HTR4: variants seen among roughly 807,000 people sequenced by gnomAD.
The protein encoded by HTR4 is 5-hydroxytryptamine receptor 4.
A neutral mutation model predicts 36.8 loss-of-function variants in HTR4; 16 were observed. The ratio of observed to expected loss-of-function variants is 0.43; its 90% CI spans 0.29 to 0.66. HTR4 has a LOEUF of 0.66. HTR4 is among the 30% of genes least tolerant of loss of function. HTR4 has a pLI of 0.13. For synonymous variants in HTR4, 189 were observed against 185.1 expected, an observed-to-expected ratio of 1.02 and a Z score of -0.17; for missense variants, 438 against 490.9, an observed-to-expected ratio of 0.89 and a Z score of 1.02.
chr5:148,541,862 A>G (rs1759132847), intron 4 of HTR4, among the ~76,000 whole-genome samples: 1 of 152,100 alleles, frequency 6.6e-6, no homozygotes, highest in Admixed American at 6.6e-5. Flanking sequence ...CCTATCCCCT[A>G]CTGATACCCA....
intron 5 of HTR4, among the ~76,000 whole-genome samples, chr5:148,513,357 T>C (rs937589324): frequency 2.0e-5 from 3 of 152,166 alleles, no homozygotes; most frequent in Non-Finnish European, 4.4e-5. Flanking sequence ...GTACAAGATA[T>C]GGATATTGAA....
intron 2 of HTR4, among the ~76,000 whole-genome samples, chr5:148,609,942 G>C (rs1331505536): frequency 2.6e-5 from 4 of 151,988 alleles, no homozygotes; most frequent in Non-Finnish European, 5.9e-5. Flanking sequence ...AGAAACTTTT[G>C]AGTGAGATTT....
intron 6 of HTR4, among the ~76,000 whole-genome samples, chr5:148,495,714 G>C (rs1756655396): frequency 6.6e-6 from 1 of 152,222 alleles, no homozygotes; most frequent in African/African-American, 2.4e-5. Flanking sequence ...AGTGGGGAGA[G>C]AGGCTTAAAG....
intron 5 of HTR4, among the ~76,000 whole-genome samples, chr5:148,463,885 CAAAG>C (rs1755352987): frequency 1.3e-5 from 2 of 151,706 alleles, no homozygotes; most frequent in South Asian, 4.2e-4. Context: ...AAAGAATAGA[CAAAG>C]AGATCAGTGA....
intron 4 of HTR4, among the ~76,000 whole-genome samples, chr5:148,532,496 A>G (rs1758619885): frequency 6.6e-6 from 1 of 152,214 alleles, no homozygotes; most frequent in Non-Finnish European, 1.5e-5. Context: ...CAGGTTTTGG[A>G]GATGTGAACA....
chr5:148,480,003 C>T (rs1472616598), downstream of HTR4, among the ~76,000 whole-genome samples: 1 of 152,096 alleles, frequency 6.6e-6, no homozygotes, highest in East Asian at 1.9e-4. Context: ...TCTTAGTTGA[C>T]TCTTTATGTA....
At chr5:148,475,636 T>C (rs2113708702), downstream of HTR4, among the ~76,000 whole-genome samples, 1 of 152,340 alleles carries the variant, frequency 6.6e-6, no homozygotes, top group Admixed American at 6.5e-5. Context: ...ATTAGACAAC[T>C]GGCACAGAAA....
chr5:148,574,463 A>C (rs78464166), intron 2 of HTR4, among the ~76,000 whole-genome samples: 3 of 152,134 alleles, frequency 2.0e-5, no homozygotes, highest in Non-Finnish European at 4.4e-5. Flanking sequence ...TGCAGCCTTC[A>C]GTTGTCAAAA....
At chr5:148,591,965 C>T (rs1488325783) in intron 2 of HTR4, among the ~76,000 whole-genome samples, 1 of 151,976 alleles carries the variant, frequency 6.6e-6, no homozygotes. Context: ...TTCACAATAG[C>T]AGAAGACATG....
At chr5:148,505,604 G>C (rs950649837) in intron 6 of HTR4, among the ~76,000 whole-genome samples, 6 of 152,184 alleles carry the variant, frequency 3.9e-5, no homozygotes, top group Non-Finnish European at 8.8e-5. Flanking sequence ...CAGATGACAT[G>C]ACTGTATATT....
chr5:148,613,912 G>A (rs1752549860), intron 2 of HTR4, among the ~76,000 whole-genome samples: 1 of 152,134 alleles, frequency 6.6e-6, no homozygotes. Context: ...GCCAAACCAT[G>A]AGTGAACTCC....
chr5:148,540,378 T>A (rs1656380217), intron 4 of HTR4, among the ~76,000 whole-genome samples: 1 of 124,756 alleles, frequency 8.0e-6, no homozygotes, highest in Non-Finnish European at 1.6e-5. Flanking sequence ...AAATAAAATT[T>A]TAGGTTTTAT....
chr5:148,540,402 A>ATG (rs1759051129), intron 4 of HTR4, among the ~76,000 whole-genome samples: 1 of 7,392 alleles, frequency 1.4e-4, no homozygotes, highest in Admixed American at 1.7e-3. Context: ...ATGTGTGTGT[A>ATG]TATATATATA....
chr5:148,499,779 G>A (rs1756851932), intron 6 of HTR4, among the ~76,000 whole-genome samples: 1 of 152,196 alleles, frequency 6.6e-6, no homozygotes, highest in Admixed American at 6.5e-5. Context: ...GAGGCCACAT[G>A]AATGGCTTGG....
intron 2 of HTR4, among the ~76,000 whole-genome samples, chr5:148,610,965 A>G (rs1356508563): frequency 2.0e-5 from 3 of 150,948 alleles, no homozygotes; most frequent in Non-Finnish European, 3.0e-5. Flanking sequence ...AGCAAGAAGG[A>G]AAGTTTAGAG....
chr5:148,572,345 C>G (rs1265027041), intron 2 of HTR4, among the ~76,000 whole-genome samples: 4 of 152,048 alleles, frequency 2.6e-5, no homozygotes, highest in South Asian at 2.1e-4. Flanking sequence ...ACAGATGAAG[C>G]AACTGAGGCT....
chr5:148,598,858 C>T (rs1489431922), intron 2 of HTR4, among the ~76,000 whole-genome samples: 2 of 152,002 alleles, frequency 1.3e-5, no homozygotes, highest in East Asian at 1.9e-4. Flanking sequence ...AAGACACAGA[C>T]TTTAAAATAA....
intron 1 of HTR4, among the ~76,000 whole-genome samples, chr5:148,642,353 A>G (rs1199873954): frequency 1.3e-5 from 2 of 152,208 alleles, no homozygotes. Context: ...CAACTGCAGA[A>G]TGGAATGGGG....
chr5:148,560,204 TTAAA>T (rs1237850404), intron 2 of HTR4, among the ~76,000 whole-genome samples: 45 of 125,030 alleles, frequency 3.6e-4, no homozygotes, highest in African/African-American at 8.0e-4. Context: ...AGCTTTTTTT[TTAAA>T]AAAAAAAAAA....
Sources: gnomAD v4.1 joint callset for allele counts (sites outside exome capture counted in the v4.1 genomes callset) on GRCh38, gnomAD v4.1.1 for gene constraint, MANE v1.5 for transcripts, NCBI Gene and HGNC (gene_info 2026-07-23, HGNC 2026-07-21) for gene names.